The following SF3B1 variants were observed in gnomAD, a reference collection of about 807,000 sequenced individuals.
SF3B1 encodes splicing factor 3b subunit 1, also known as pre-mRNA processing 10.
A neutral mutation model predicts 153.8 loss-of-function variants in SF3B1; 12 were observed. That is an observed-to-expected ratio of 0.08 (90% CI 0.05 to 0.13). The LOEUF is 0.13. SF3B1 is among the 10% of genes least tolerant of loss of function. The pLI is 1.00. For synonymous variants in SF3B1, 498 were observed against 525.2 expected, an observed-to-expected ratio of 0.95 and a Z score of 0.71; for missense variants, 513 against 1,606.1, an observed-to-expected ratio of 0.32 and a Z score of 11.63.
At chr2:197,427,726 A>C (rs913389321) in intron 1 of SF3B1, among the ~76,000 whole-genome samples, 2 of 152,204 alleles carry the variant, frequency 1.3e-5, no homozygotes, top group African/African-American at 4.8e-5. Flanking sequence ...AATATTTCAT[A>C]AAAGGTAATC....
In SF3B1 at chr2:197,405,438, C is replaced by T. The variant is rs2105990700; in HGVS notation, c.1274G>A (p.Arg425Gln). ...LPPPAGYVPI[R>Q]TPARKLTATP... ...AGCTGTCAGCTTTCGAGCTGGAGTT[C>T]GAATAGGAACATAACCAGCTGGAGG... Residue 425 changes from arginine (R) to glutamine (Q), a missense_variant, in exon 10 of 25, where the codon CGA (arginine) becomes CAA (glutamine). Arg to Gln is a conservative substitution (Grantham distance 43). Coordinates refer to ENST00000335508, the MANE Select transcript of SF3B1 (RefSeq NM_012433.4). The T allele has an allele frequency of 6.2e-7, 1 of 1,613,412 alleles. No homozygotes were observed. Among genetic ancestry groups the T allele is most frequent in the Non-Finnish European group, 8.5e-7 (1 of 1,179,720 alleles).
chr2:197,412,346 AT>A, intron 6 of SF3B1, among the ~76,000 whole-genome samples: 1 of 105,780 alleles, frequency 9.5e-6, no homozygotes. Context: ...GATTTAATTT[AT>A]TTATTTATTT....
intron 9 of SF3B1, 112 bp downstream of exon 9, chr2:197,407,886 G>T: frequency 1.2e-6 from 1 of 842,390 alleles, no homozygotes; most frequent in Non-Finnish European, 1.9e-6. Context: ...CTAAGAGAAT[G>T]GAATGACAAT....
intron 2 of SF3B1, among the ~76,000 whole-genome samples, chr2:197,422,826 C>T (rs1167550504): frequency 1.3e-5 from 2 of 150,734 alleles, no homozygotes; most frequent in African/African-American, 4.9e-5. Flanking sequence ...GGAGGCGGAG[C>T]ATGCAGTAAG....
Position 197,400,590 on chromosome 2 carries a change from AC to A in SF3B1, c.2718+124del. 1 of 995,058 alleles carries A rather than the reference AC, an allele frequency of 1.0e-6. No homozygotes were observed. 61.6% of individuals were successfully genotyped at this position (995,058 alleles called of 1,614,324 possible). On this transcript the variant is annotated intron_variant, in intron 18 of 24. Transcript: ENST00000335508. The surrounding 1 kb of genome is among the most constrained non-coding windows in gnomAD (Gnocchi z 5.0). Reference sequence around the variant, plus strand: ...TGAGGTAGAATAATATCGTTTGGTAACCCCCTGAGCATTTTAAAAATTACTT... The same window carrying A: ...TGAGGTAGAATAATATCGTTTGGTAACCCCTGAGCATTTTAAAAATTACTT...
chr2:197,401,129 T>C lies in SF3B1; in HGVS notation c.2497-193A>G, dbSNP rs2084933506. ...GAAAAATGAGTATAAGTTAACATGA[T>C]TCAAGGTAAAACTGTGTCCATGTTT... On this transcript the variant is annotated intron_variant, in intron 17 of 24. Transcript: ENST00000335508. The surrounding 1 kb of genome is among the most constrained non-coding windows in gnomAD (Gnocchi z 4.2). Among the ~76,000 whole-genome samples the C allele has an allele frequency of 6.6e-6, 1 of 152,198 alleles. No individual in the cohort carries two copies. The highest frequency in any genetic ancestry group is 2.4e-5 in the African/African-American group (1 of 41,454).
intron 2 of SF3B1, among the ~76,000 whole-genome samples, chr2:197,422,179 C>CA (rs138569087): frequency 0.016 from 2,477 of 151,974 alleles, 73 homozygotes; most frequent in African/African-American, 0.057. Flanking sequence ...ATGAGACCCC[C>CA]AAATAAAGTG....
intron 9 of SF3B1, among the ~76,000 whole-genome samples, chr2:197,406,654 C>A (rs1259810827): frequency 6.6e-6 from 1 of 152,216 alleles, no homozygotes; most frequent in Non-Finnish European, 1.5e-5. Flanking sequence ...GAAAGACATG[C>A]AGGCAGTCAA....
chr2:197,390,172 C>G lies in SF3B1; in HGVS notation c.*2131G>C, dbSNP rs1423104662. The G allele has an allele frequency of 1.3e-5, 2 of 152,176 alleles. No individual in the cohort carries two copies. Among genetic ancestry groups the G allele is most frequent in the Admixed American group, 1.3e-4 (2 of 15,284 alleles). The allele number at this position is 152,176 out of a possible 1,614,324, so 9.4% of individuals were successfully genotyped here. ...TCATAGCTTTCACTACTTCCCTCCT[C>G]TCTATCCTCAAATTATTTGCATCAG... On this transcript the variant is annotated 3_prime_UTR_variant, in exon 25 of 25. Transcript: ENST00000335508.
At chr2:197,394,082 G>A (rs761447042) in intron 23 of SF3B1, among the ~76,000 whole-genome samples, 2 of 152,090 alleles carry the variant, frequency 1.3e-5, no homozygotes, top group Non-Finnish European at 1.5e-5. Flanking sequence ...TACTCAGGAG[G>A]CTGAGGCAGG....
chr2:197,419,139 G>A (rs907008224), intron 4 of SF3B1: 1 of 503,508 alleles, frequency 2.0e-6, no homozygotes, highest in Non-Finnish European at 3.5e-6. Context: ...ATCTTATTCT[G>A]ATGTCACGTT....
At chr2:197,393,398 G>T in intron 23 of SF3B1, 1 of 538,682 alleles carries the variant, frequency 1.9e-6, no homozygotes, top group Non-Finnish European at 3.3e-6. Context: ...GAGGACTTTT[G>T]CTTTAATTAC....
intron 7 of SF3B1, 70 bp from the exon 8 acceptor site, chr2:197,408,651 C>G: frequency 9.6e-7 from 1 of 1,044,466 alleles, no homozygotes; most frequent in Non-Finnish European, 1.5e-6. Context: ...TATTCTCAAA[C>G]AGTTATACTC....
At chr2:197,395,158 G>A (rs1298231222) in intron 23 of SF3B1, among the ~76,000 whole-genome samples, 1 of 152,132 alleles carries the variant, frequency 6.6e-6, no homozygotes, top group Non-Finnish European at 1.5e-5. Flanking sequence ...TTTAACTGCA[G>A]GTGACATACA....
In SF3B1 at chr2:197,400,499, TAA is replaced by T. The variant is rs368584419; in HGVS notation, c.2719-67_2719-66del. ...TTATGACTGCACAGTTGAAATACACTAAGAGTCAACCTTTTCTAACCACCCAA... is the reference window on the plus strand; with the variant it reads ...TTATGACTGCACAGTTGAAATACACTGAGTCAACCTTTTCTAACCACCCAA... On this transcript the variant is annotated intron_variant, in intron 18 of 24. Transcript: ENST00000335508. This position sits in a 1 kb window ranked among gnomAD's most constrained non-coding sequence, Gnocchi z 5.0. 84 of 1,379,978 alleles carry T rather than the reference TAA, an allele frequency of 6.1e-5. 1 individual carries two copies. In the East Asian group the frequency reaches 1.3e-3, roughly 21 times the overall value. 85.5% of individuals were successfully genotyped at this position (1,379,978 alleles called of 1,614,324 possible).
At chr2:197,417,311 T>C (rs1344327550) in intron 5 of SF3B1, among the ~76,000 whole-genome samples, 1 of 152,206 alleles carries the variant, frequency 6.6e-6, no homozygotes, top group Non-Finnish European at 1.5e-5. Context: ...AATTGTTTTA[T>C]TTATACTGAC....
intron 12 of SF3B1, among the ~76,000 whole-genome samples, 189 bp downstream of exon 12, chr2:197,403,392 TTAAA>T (rs1416731988): frequency 6.6e-6 from 1 of 152,062 alleles, no homozygotes; most frequent in Non-Finnish European, 1.5e-5. Flanking sequence ...AATGAAAAAA[TTAAA>T]TAATATGAAC....
intron 6 of SF3B1, among the ~76,000 whole-genome samples, chr2:197,412,648 G>A (rs934593180): frequency 6.6e-6 from 1 of 151,300 alleles, no homozygotes. Flanking sequence ...GAGCCACCGC[G>A]TCTGGCCGAG....
chr2:197,407,787 C>CT, intron 9 of SF3B1: 1 of 443,764 alleles, frequency 2.3e-6, no homozygotes, highest in East Asian at 4.0e-5. Flanking sequence ...ATACACAAGT[C>CT]TTTGAGATGT....
Sources: gnomAD v4.1 joint callset for allele counts (sites outside exome capture counted in the v4.1 genomes callset) on GRCh38, gnomAD v4.1.1 for gene constraint, Gnocchi (gnomAD v3.1) non-coding constraint, MANE v1.5 for transcripts, NCBI Gene and HGNC (gene_info 2026-07-23, HGNC 2026-07-21) for gene names.